The following ARHGAP26 variants were observed in gnomAD, a reference collection of about 807,000 sequenced individuals.
ARHGAP26 encodes the protein Rho GTPase activating protein 26.
In ARHGAP26, 38 loss-of-function variants were observed where a neutral mutation model predicts 104.8. The observed-to-expected ratio is 0.36, with a 90% CI of 0.28 to 0.48. The LOEUF (loss-of-function observed/expected upper bound fraction) is 0.48, where lower values mean the gene tolerates loss of function less well. Ranked by LOEUF, ARHGAP26 falls within the 20% of genes least tolerant of loss-of-function variation. The pLI, the probability that ARHGAP26 is intolerant of heterozygous loss-of-function variation, is 0.99. For synonymous variants in ARHGAP26, 341 were observed against 340.0 expected, an observed-to-expected ratio of 1.00 and a Z score of -0.03; for missense variants, 704 against 947.9, an observed-to-expected ratio of 0.74 and a Z score of 3.38.
intron 1 of ARHGAP26, among the ~76,000 whole-genome samples, chr5:142,862,379 G>T (rs1753526192): frequency 6.6e-6 from 1 of 152,232 alleles, no homozygotes; most frequent in African/African-American, 2.4e-5. Flanking sequence ...GACCTGTGGA[G>T]AAATTAATTT....
At position 143,167,482 on chromosome 5, in the gene ARHGAP26, C is replaced by CAAAAAAAAAAAAA. The variant is rs6149274; in HGVS notation, c.1988+20125_1988+20137dup. On this transcript the variant is annotated intron_variant, in intron 20 of 22. Coordinates refer to ENST00000645722, the MANE Select transcript of ARHGAP26 (RefSeq NM_001135608.3). Reference sequence around the variant, plus strand: ...TGCATGACAGAGCAAGACTCCATCTCAAAAAAAAAAAAAAAAAAAAAAAAA... The same window carrying CAAAAAAAAAAAAA: ...TGCATGACAGAGCAAGACTCCATCTCAAAAAAAAAAAAAAAAAAAAAAAAAAAAAAAAAAAAAA... Among the ~76,000 whole-genome samples the CAAAAAAAAAAAAA allele has an allele frequency of 2.8e-4, 17 of 60,088 alleles. 1 individual carries two copies. The highest frequency in any genetic ancestry group is 1.7e-3 in the East Asian group (4 of 2,364). The allele number at this position is 60,088 out of a possible 152,430, so 39.4% of individuals were successfully genotyped here.
chr5:142,866,869 A>G (rs1037785700), intron 1 of ARHGAP26: 1 of 152,220 alleles, frequency 6.6e-6, no homozygotes, highest in Non-Finnish European at 1.5e-5. Flanking sequence ...GGTTTTCTGA[A>G]TCTGCTCCAG....
At chr5:143,118,324 ACTT>A (rs1484711068) in intron 17 of ARHGAP26, among the ~76,000 whole-genome samples, 8 of 152,284 alleles carry the variant, frequency 5.3e-5, no homozygotes, top group South Asian at 2.1e-4. Context: ...TATTCACCCA[ACTT>A]CTTCTTTTTT....
At chr5:142,794,781 G>A (rs1376838442) in intron 1 of ARHGAP26, among the ~76,000 whole-genome samples, 2 of 152,190 alleles carry the variant, frequency 1.3e-5, no homozygotes, top group Non-Finnish European at 1.5e-5. Context: ...TAATGCCACA[G>A]AGTTCTGTAA....
intron 11 of ARHGAP26, among the ~76,000 whole-genome samples, chr5:143,006,384 T>C (rs921444917): frequency 1.3e-5 from 2 of 151,768 alleles, no homozygotes; most frequent in Non-Finnish European, 2.9e-5. Flanking sequence ...AATCAGTACT[T>C]TCTGAGTGGC....
At chr5:143,030,838 G>C (rs1171769070) in intron 12 of ARHGAP26, among the ~76,000 whole-genome samples, 4 of 152,258 alleles carry the variant, frequency 2.6e-5, no homozygotes, top group Non-Finnish European at 5.9e-5. Flanking sequence ...AGCTGTAGTA[G>C]CCAGTGAAGT....
chr5:143,207,076 C>A, intron 20 of ARHGAP26, 122 bp from the exon 21 acceptor site: 2 of 1,185,776 alleles, frequency 1.7e-6, no homozygotes, highest in Non-Finnish European at 1.2e-6. Flanking sequence ...ACAGCACATC[C>A]CTGGGTTTCG....
chr5:143,167,136 T>A (rs79250424), intron 20 of ARHGAP26, among the ~76,000 whole-genome samples: 2,560 of 152,000 alleles, frequency 0.017, 33 homozygotes, highest in Non-Finnish European at 0.025. Flanking sequence ...TATTCTGTCT[T>A]TGAAGGTAGA....
intron 12 of ARHGAP26, among the ~76,000 whole-genome samples, chr5:143,029,051 A>G (rs1440007336): frequency 6.6e-6 from 1 of 152,208 alleles, no homozygotes. Flanking sequence ...CAGGGGCCAC[A>G]GCCCAGGGAG....
At chr5:143,182,738 T>C (rs1804568280) in intron 20 of ARHGAP26, among the ~76,000 whole-genome samples, 1 of 152,180 alleles carries the variant, frequency 6.6e-6, no homozygotes, top group African/African-American at 2.4e-5. Context: ...TTGCTCTATG[T>C]GTGTGGTGGC....
Position 142,936,108 on chromosome 5 carries a change from A to AACACACACACACAC in ARHGAP26, c.1107+4008_1107+4021dup, listed in dbSNP as rs149919795. Reference sequence around the variant, plus strand: ...ATTGTCTATGTAGAAAATCCCAAGGAACACACACACACACACACACACACA... The same window carrying AACACACACACACAC: ...ATTGTCTATGTAGAAAATCCCAAGGAACACACACACACACACACACACACACACACACACACACA... On this transcript the variant is annotated intron_variant, in intron 11 of 22. Coordinates refer to ENST00000645722, the MANE Select transcript of ARHGAP26 (RefSeq NM_001135608.3). Among the ~76,000 whole-genome samples the AACACACACACACAC allele has an allele frequency of 5.0e-3, 706 of 139,812 alleles. 7 individuals are homozygous for AACACACACACACAC. Among genetic ancestry groups the AACACACACACACAC allele is most frequent in the African/African-American group, 0.015 (583 of 38,082 alleles). 91.7% of individuals were successfully genotyped at this position (139,812 alleles called of 152,430 possible).
intron 20 of ARHGAP26, among the ~76,000 whole-genome samples, chr5:143,201,099 G>A (rs1807646406): frequency 6.6e-6 from 1 of 152,226 alleles, no homozygotes; most frequent in South Asian, 2.1e-4. Context: ...GACTGGGACT[G>A]TCTGACTCCT....
At chr5:143,072,727 A>C (rs1274129968) in intron 17 of ARHGAP26, among the ~76,000 whole-genome samples, 2 of 152,230 alleles carry the variant, frequency 1.3e-5, no homozygotes, top group Non-Finnish European at 2.9e-5. Flanking sequence ...AAGAGAATAC[A>C]TAGAAGTAAA....
intron 20 of ARHGAP26, among the ~76,000 whole-genome samples, chr5:143,200,646 T>C (rs1030126973): frequency 3.3e-5 from 5 of 152,338 alleles, no homozygotes; most frequent in African/African-American, 1.2e-4. Flanking sequence ...TGATTATCAG[T>C]GGCATAAATT....
chr5:143,094,611 C>T (rs1387075021), intron 17 of ARHGAP26, among the ~76,000 whole-genome samples: 1 of 152,212 alleles, frequency 6.6e-6, no homozygotes, highest in Admixed American at 6.5e-5. Context: ...GAAGGATGTG[C>T]CCTTACAGAT....
At chr5:143,006,005 A>T (rs1211949856) in intron 11 of ARHGAP26, among the ~76,000 whole-genome samples, 1 of 152,186 alleles carries the variant, frequency 6.6e-6, no homozygotes, top group Non-Finnish European at 1.5e-5. Context: ...AGGCTTCAAA[A>T]CTATTAGAAG....
chr5:142,949,182 A>AGAGAG (rs1767702955), intron 11 of ARHGAP26, among the ~76,000 whole-genome samples: 2 of 16,260 alleles, frequency 1.2e-4, no homozygotes, highest in Non-Finnish European at 1.8e-4. Context: ...AGAGAGAGAG[A>AGAGAG]GAGAGAGAGA....
At chr5:143,152,653 T>C (rs1332867788) in intron 20 of ARHGAP26, among the ~76,000 whole-genome samples, 2 of 152,336 alleles carry the variant, frequency 1.3e-5, no homozygotes, top group Non-Finnish European at 2.9e-5. Flanking sequence ...CTTTGACTTA[T>C]TTTGGCCAAT....
chr5:143,155,739 A>G (rs1800398065), intron 20 of ARHGAP26, among the ~76,000 whole-genome samples: 4 of 152,264 alleles, frequency 2.6e-5, no homozygotes, highest in Admixed American at 2.0e-4. Flanking sequence ...GTTTTCCTTT[A>G]CACATATTGT....
Sources: gnomAD v4.1 joint callset for allele counts (sites outside exome capture counted in the v4.1 genomes callset) on GRCh38, gnomAD v4.1.1 for gene constraint, MANE v1.5 for transcripts, NCBI Gene and HGNC (gene_info 2026-07-23, HGNC 2026-07-21) for gene names.